The following CDH8 variants were observed in gnomAD, a reference collection of about 807,000 sequenced individuals.
The protein encoded by CDH8 is cadherin-8.
Under a neutral mutation model 68.1 loss-of-function variants are expected in CDH8, and 17 were observed. The observed-to-expected ratio is 0.25, with a 90% confidence interval of 0.17 to 0.37. The LOEUF is 0.37. Ranked by LOEUF, CDH8 falls within the 10% of genes least tolerant of loss-of-function variation. The pLI is 1.00. For synonymous variants in CDH8, 372 were observed against 365.1 expected, an observed-to-expected ratio of 1.02 and a Z score of -0.21; for missense variants, 763 against 999.3, an observed-to-expected ratio of 0.76 and a Z score of 3.19.
At chr16:61,915,357 T>A (rs564475132) in intron 2 of CDH8, among the ~76,000 whole-genome samples, 5 of 152,338 alleles carry the variant, frequency 3.3e-5, no homozygotes, top group African/African-American at 1.2e-4. Flanking sequence ...CATTTAATTA[T>A]CACAACTCTA....
chr16:62,001,778 G>A lies in CDH8; in HGVS notation c.252+19374C>T, dbSNP rs549234396. On this transcript the variant is annotated intron_variant, in intron 2 of 11. Transcript: ENST00000577390. ...GTTGGTGTGCTGCACCCATTAACTCGTCATTTAACATTAGGTATAACTCCT... is the reference window on the plus strand; with the variant it reads ...GTTGGTGTGCTGCACCCATTAACTCATCATTTAACATTAGGTATAACTCCT... Among the ~76,000 whole-genome samples, 6 of 152,142 alleles carry A rather than the reference G, an allele frequency of 3.9e-5. 1 individual carries two copies. In the South Asian group the frequency reaches 8.3e-4, roughly 21 times the overall value.
chr16:61,790,231 G>C (rs1004616593), intron 7 of CDH8, among the ~76,000 whole-genome samples: 1 of 152,052 alleles, frequency 6.6e-6, no homozygotes, highest in Non-Finnish European at 1.5e-5. Context: ...TACGTGAGAT[G>C]TGTGGTGTCT....
intron 2 of CDH8, among the ~76,000 whole-genome samples, chr16:61,938,671 A>T (rs1296346326): frequency 6.6e-6 from 1 of 152,180 alleles, no homozygotes; most frequent in Non-Finnish European, 1.5e-5. Flanking sequence ...AGCTGAGAAA[A>T]ATCCCTCAAA....
At chr16:61,795,984 C>T (rs1041763085) in intron 7 of CDH8, among the ~76,000 whole-genome samples, 5 of 152,030 alleles carry the variant, frequency 3.3e-5, no homozygotes, top group Non-Finnish European at 5.9e-5. Flanking sequence ...GACCTTTGCT[C>T]TTTAAGCACA....
intron 2 of CDH8, among the ~76,000 whole-genome samples, chr16:61,962,231 T>C (rs1210795158): frequency 2.6e-5 from 4 of 152,140 alleles, no homozygotes; most frequent in Non-Finnish European, 5.9e-5. Flanking sequence ...TATGTACCAG[T>C]GGACTCATAA....
chr16:62,016,189 G>A (rs778832133), intron 2 of CDH8, among the ~76,000 whole-genome samples: 2 of 152,114 alleles, frequency 1.3e-5, no homozygotes, highest in African/African-American at 2.4e-5. Flanking sequence ...TGCTTCAAGA[G>A]AACCACATTC....
chr16:61,897,929 G>T (rs1963897889), intron 3 of CDH8, among the ~76,000 whole-genome samples: 1 of 152,098 alleles, frequency 6.6e-6, no homozygotes, highest in Admixed American at 6.6e-5. Flanking sequence ...TGTGGGGGTG[G>T]TGATGGCAGA....
At chr16:61,697,968 C>CT (rs1179158482) in intron 10 of CDH8, among the ~76,000 whole-genome samples, 3 of 152,186 alleles carry the variant, frequency 2.0e-5, no homozygotes, top group African/African-American at 7.2e-5. Context: ...AAACACTAGA[C>CT]TTTTTTATTA....
intron 8 of CDH8, among the ~76,000 whole-genome samples, chr16:61,742,254 TTATTTTTG>T (rs1239080893): frequency 7.9e-5 from 12 of 152,250 alleles, no homozygotes; most frequent in African/African-American, 2.9e-4. Context: ...AGTTTATAGA[TTATTTTTG>T]TATTTTTGTA....
chr16:61,997,875 G>A (rs1965832199), intron 2 of CDH8, among the ~76,000 whole-genome samples: 1 of 152,198 alleles, frequency 6.6e-6, no homozygotes, highest in South Asian at 2.1e-4. Flanking sequence ...CAAATTTCAA[G>A]AAAGTCTGTG....
Position 61,653,555 on chromosome 16 carries a change from AC to A in CDH8, c.*52del. 2.0e-6 allele frequency: 3 copies of A among 1,533,144 alleles called. No individual in the cohort carries two copies. The highest frequency in any genetic ancestry group is 2.6e-6 in the Non-Finnish European group (3 of 1,142,550). 95.0% of individuals were successfully genotyped at this position (1,533,144 alleles called of 1,614,324 possible). Reference sequence around the variant, plus strand: ...ACATTGGTTGTATCTAAGGGGAGTGACCCTAGAATATTACAGAATGCTCAGT... The same window carrying A: ...ACATTGGTTGTATCTAAGGGGAGTGACCTAGAATATTACAGAATGCTCAGT... On this transcript the variant is annotated 3_prime_UTR_variant, in exon 12 of 12. Coordinates refer to ENST00000577390, the MANE Select transcript of CDH8 (RefSeq NM_001796.5).
At chr16:61,696,304 G>C (rs1192832632) in intron 10 of CDH8, among the ~76,000 whole-genome samples, 1 of 152,210 alleles carries the variant, frequency 6.6e-6, no homozygotes, top group Non-Finnish European at 1.5e-5. Context: ...CCAGTGGAAA[G>C]TGGGGAATTA....
At chr16:62,016,257 G>T (rs570739127) in intron 2 of CDH8, among the ~76,000 whole-genome samples, 2 of 152,122 alleles carry the variant, frequency 1.3e-5, no homozygotes, top group South Asian at 4.1e-4. Flanking sequence ...GTGATTATCC[G>T]TTTTAATGTC....
chr16:61,754,415 A>G (rs879817578), intron 8 of CDH8, among the ~76,000 whole-genome samples: 1 of 152,108 alleles, frequency 6.6e-6, no homozygotes, highest in Admixed American at 6.6e-5. Flanking sequence ...AGCTAGGTTG[A>G]TTGTTGGATG....
intron 10 of CDH8, among the ~76,000 whole-genome samples, chr16:61,658,287 T>C (rs1963490921): frequency 6.6e-6 from 1 of 152,088 alleles, no homozygotes; most frequent in Non-Finnish European, 1.5e-5. Flanking sequence ...TACAAAGTTG[T>C]GGTTTCTGCT....
chr16:61,842,639 T>A (rs542028628), intron 4 of CDH8, among the ~76,000 whole-genome samples: 32 of 152,278 alleles, frequency 2.1e-4, no homozygotes, highest in Non-Finnish European at 1.9e-4. Flanking sequence ...CCTTCAGACC[T>A]CTTCTGAAGA....
chr16:61,666,361 G>T (rs1017732826), intron 10 of CDH8, among the ~76,000 whole-genome samples: 3 of 151,986 alleles, frequency 2.0e-5, no homozygotes, highest in African/African-American at 7.2e-5. Flanking sequence ...TACTGTTAGT[G>T]TTTAAATATC....
At chr16:61,785,204 GA>G (rs1452845069) in intron 8 of CDH8, among the ~76,000 whole-genome samples, 1 of 109,498 alleles carries the variant, frequency 9.1e-6, no homozygotes, top group Non-Finnish European at 1.9e-5. Context: ...GACTAATAAA[GA>G]AAAAAAGAGA....
intron 2 of CDH8, among the ~76,000 whole-genome samples, chr16:62,013,346 A>G (rs1901862721): frequency 6.6e-6 from 1 of 151,892 alleles, no homozygotes; most frequent in Non-Finnish European, 1.5e-5. Context: ...GTGGGGGTGA[A>G]GGTAATTGAA....
Sources: gnomAD v4.1 joint callset for allele counts (sites outside exome capture counted in the v4.1 genomes callset) on GRCh38, gnomAD v4.1.1 for gene constraint, MANE v1.5 for transcripts, NCBI Gene and HGNC (gene_info 2026-07-23, HGNC 2026-07-21) for gene names.